NUP62CL: variants seen among roughly 807,000 people sequenced by gnomAD.
NUP62CL encodes the protein nucleoporin-62 C-terminal-like protein.
Under a neutral mutation model 15.3 loss-of-function variants are expected in NUP62CL, and 13 were observed. The ratio of observed to expected loss-of-function variants is 0.85; its 90% CI spans 0.55 to 1.35. The LOEUF (loss-of-function observed/expected upper bound fraction) is 1.35. Among genes scored for constraint, NUP62CL ranks in the 40% most tolerant of loss-of-function variants. The pLI is 0.00. For synonymous variants in NUP62CL, 54 were observed against 49.2 expected, an observed-to-expected ratio of 1.10 and a Z score of -0.41; for missense variants, 123 against 130.6, an observed-to-expected ratio of 0.94 and a Z score of 0.28.
intron 4 of NUP62CL, among the ~76,000 whole-genome samples, chrX:107,161,082 A>T (rs1205775117): frequency 9.0e-6 from 1 of 110,616 alleles, no homozygotes; most frequent in Non-Finnish European, 1.9e-5. Flanking sequence ...CCACTATGAG[A>T]TATCATCTCA....
chrX:107,178,742 A>C lies in NUP62CL; in HGVS notation c.-47-3549T>G, dbSNP rs760822836. Among the ~76,000 whole-genome samples the C allele has an allele frequency of 2.7e-5, 3 of 111,764 alleles. No individual in the cohort carries two copies. The South Asian group carries it at 1.1e-3, about 42-fold the overall frequency. ...AAAGGAGATGTGGGGAAGGAATTGG[A>C]AACTTTACCACATACAAAAGCTACT... On this transcript the variant is annotated intron_variant, in intron 2 of 8. Transcript: ENST00000372466.
chrX:107,182,904 A>C (rs1926952598), intron 2 of NUP62CL, among the ~76,000 whole-genome samples: 1 of 112,201 alleles, frequency 8.9e-6, no homozygotes, highest in African/African-American at 3.2e-5. Flanking sequence ...CAACATAATA[A>C]CTAAAATCTT....
At chrX:107,139,712 A>G (rs1376193669) in intron 8 of NUP62CL, among the ~76,000 whole-genome samples, 3 of 111,882 alleles carry the variant, frequency 2.7e-5, no homozygotes, top group Non-Finnish European at 5.6e-5. Flanking sequence ...GGTTTCAGTT[A>G]TTGTCCAATC....
chrX:107,164,803 G>A (rs2147805213), intron 4 of NUP62CL, among the ~76,000 whole-genome samples: 1 of 113,038 alleles, frequency 8.8e-6, no homozygotes, highest in Admixed American at 9.3e-5. Flanking sequence ...AGCCCCTTTA[G>A]CCTAAAAGCC....
At chrX:107,183,027 G>C (rs990404657) in intron 2 of NUP62CL, among the ~76,000 whole-genome samples, 1 of 111,094 alleles carries the variant, frequency 9.0e-6, no homozygotes, top group Non-Finnish European at 1.9e-5. Flanking sequence ...GCAAGACCCT[G>C]TCTTAAAAGA....
Position 107,167,771 on chromosome X carries a change from C to T in NUP62CL, c.72G>A (p.Thr24=). The change falls in exon 4 of 9, where the codon ACG becomes ACA. Residue 24 remains threonine (T), a synonymous_variant. Coordinates refer to ENST00000372466, the MANE Select transcript of NUP62CL (RefSeq NM_017681.3). ...TGGTGGTGAAAGTGGCGGTGGTAGT[C>T]GTTGAAGTTGTAACTGGAAAATAAA... ...AAIGLSFTTS[T]TTTATFTTNT... The T allele has an allele frequency of 1.1e-5, 13 of 1,190,662 alleles. No homozygotes were observed. Among genetic ancestry groups the T allele is most frequent in the Non-Finnish European group, 1.5e-5 (13 of 879,361 alleles).
chrX:107,178,514 A>C (rs1256153587), intron 2 of NUP62CL, among the ~76,000 whole-genome samples: 1 of 112,523 alleles, frequency 8.9e-6, no homozygotes, highest in South Asian at 3.7e-4. Flanking sequence ...TTGTTCAATA[A>C]ATGTTTCTGC....
intron 1 of NUP62CL, among the ~76,000 whole-genome samples, chrX:107,200,576 G>C (rs1356685317): frequency 9.4e-6 from 1 of 106,198 alleles, no homozygotes; most frequent in Non-Finnish European, 1.9e-5. Context: ...CCGAGATCGC[G>C]CCACTGCACT....
intron 2 of NUP62CL, among the ~76,000 whole-genome samples, chrX:107,189,990 C>A (rs1163246128): frequency 9.1e-6 from 1 of 110,485 alleles, no homozygotes; most frequent in Non-Finnish European, 1.9e-5. Context: ...CAGAAAATTA[C>A]GCTGAGTGAA....
chrX:107,205,684 G>A (rs759834246), intron 1 of NUP62CL, among the ~76,000 whole-genome samples: 1 of 110,908 alleles, frequency 9.0e-6, no homozygotes, highest in African/African-American at 3.3e-5. Context: ...TATTTATTAC[G>A]CCATCCCCCC....
intron 8 of NUP62CL, among the ~76,000 whole-genome samples, chrX:107,128,811 T>C (rs1602633202): frequency 8.9e-6 from 1 of 111,989 alleles, no homozygotes; most frequent in Non-Finnish European, 1.9e-5. Context: ...TTCTTCAAGA[T>C]GAGGCTAGAG....
intron 8 of NUP62CL, among the ~76,000 whole-genome samples, chrX:107,125,989 T>C (rs1925375596): frequency 8.9e-6 from 1 of 111,832 alleles, no homozygotes; most frequent in East Asian, 2.8e-4. Flanking sequence ...CCTAGGTACT[T>C]AATGCCCAGA....
intron 2 of NUP62CL, among the ~76,000 whole-genome samples, chrX:107,183,682 T>A (rs1036345690): frequency 8.1e-5 from 9 of 110,782 alleles, no homozygotes; most frequent in Non-Finnish European, 1.3e-4. Flanking sequence ...CTGCTTTTTT[T>A]AGACAAAGGG....
At chrX:107,187,523 G>A (rs1260666804) in intron 2 of NUP62CL, among the ~76,000 whole-genome samples, 4 of 111,852 alleles carry the variant, frequency 3.6e-5, no homozygotes, top group East Asian at 5.6e-4. Context: ...TCGGCCTCCC[G>A]AGTAGCTGGG....
At chrX:107,164,653 A>G (rs1926466007) in intron 4 of NUP62CL, among the ~76,000 whole-genome samples, 1 of 112,668 alleles carries the variant, frequency 8.9e-6, no homozygotes, top group African/African-American at 3.2e-5. Flanking sequence ...TAAAAGGACA[A>G]TAATGGAATA....
intron 8 of NUP62CL, among the ~76,000 whole-genome samples, chrX:107,133,802 G>A (rs1925576177): frequency 1.8e-5 from 2 of 112,092 alleles, no homozygotes; most frequent in African/African-American, 6.5e-5. Flanking sequence ...TCCAGGTATG[G>A]TGGCACACAC....
chrX:107,199,183 TAAC>T (rs966858732), intron 1 of NUP62CL, among the ~76,000 whole-genome samples: 5 of 111,685 alleles, frequency 4.5e-5, no homozygotes, highest in Admixed American at 9.5e-5. Context: ...CTTCATTACC[TAAC>T]AACAAACCAA....
At chrX:107,136,726 C>T (rs1186669972) in intron 8 of NUP62CL, among the ~76,000 whole-genome samples, 2 of 112,257 alleles carry the variant, frequency 1.8e-5, no homozygotes, top group Non-Finnish European at 3.8e-5. Context: ...AAACCCTGAC[C>T]AAGTAGAATT....
At chrX:107,155,459 T>C (rs1926153984) in intron 4 of NUP62CL, among the ~76,000 whole-genome samples, 1 of 111,869 alleles carries the variant, frequency 8.9e-6, no homozygotes, top group Admixed American at 9.4e-5. Context: ...AGCTTACATC[T>C]CCACTTACTG....
Sources: gnomAD v4.1 joint callset for allele counts (sites outside exome capture counted in the v4.1 genomes callset) on GRCh38, gnomAD v4.1.1 for gene constraint, MANE v1.5 for transcripts, NCBI Gene and HGNC (gene_info 2026-07-23, HGNC 2026-07-21) for gene names.